Variants in PPP1R26 observed in about 807,000 individuals in gnomAD.
PPP1R26 encodes the protein protein phosphatase 1 regulatory subunit 26.
In PPP1R26, 22 loss-of-function variants were observed where a neutral mutation model predicts 67.6. That is an observed-to-expected ratio of 0.33 (90% confidence interval 0.23 to 0.46). PPP1R26 has a LOEUF of 0.46. Among genes scored for constraint, PPP1R26 ranks in the 20% least tolerant of loss-of-function variants. PPP1R26 has a pLI of 1.00. For synonymous variants in PPP1R26, 729 were observed against 717.2 expected (o/e 1.02, Z -0.26); for missense variants, 1,602 against 1,651.4 (o/e 0.97, Z 0.52).
rs1160209094 is a variant in PPP1R26 at position 135,487,983 on chromosome 9, G to A, written c.3473G>A (p.Arg1158Lys). The A allele has an allele frequency of 1.2e-6, 2 of 1,609,642 alleles. No individual in the cohort carries two copies. The highest frequency in any genetic ancestry group is 1.3e-5 in the African/African-American group (1 of 74,870). Residue 1158 changes from arginine (R) to lysine (K), a missense_variant, in exon 4 of 4, where the codon AGG (arginine) becomes AAG (lysine). This residue lies in a region of PPP1R26 where 740 missense variants were observed against 696.3 expected (regional missense o/e 1.06). Coordinates refer to ENST00000356818, the MANE Select transcript of PPP1R26 (RefSeq NM_014811.5). ...KAQAGLSLHD[R>K]RSSGSEESIL... ...CAGGCAGGGCTGAGTTTGCATGACAGGAGGAGCTCGGGCTCGGAGGAAAGC... is the reference window on the plus strand; with the variant it reads ...CAGGCAGGGCTGAGTTTGCATGACAAGAGGAGCTCGGGCTCGGAGGAAAGC...
rs910126651 is a variant in PPP1R26, at chr9:135,487,626, C to G, written c.3116C>G (p.Pro1039Arg). Residue 1039 changes from proline to arginine, a missense_variant, in exon 4 of 4, where the codon CCG becomes CGG. Physicochemically the swap from Pro to Arg is moderately radical, Grantham distance 103. Around this residue, in one of 5 missense-constraint regions of PPP1R26, gnomAD observed 740 missense variants for 696.3 expected, o/e 1.06. Coordinates refer to ENST00000356818, the MANE Select transcript of PPP1R26 (RefSeq NM_014811.5). ...DFAHQSRLPS[P>R]WVLRSEGRDA... ...GCCCACCAGAGTCGGCTGCCCAGCC[C>G]GTGGGTGCTGCGCTCCGAAGGCAGA... The G allele has an allele frequency of 6.7e-7, 1 of 1,482,496 alleles. No individual in the cohort carries two copies. The highest frequency in any genetic ancestry group is 1.4e-5 in the African/African-American group (1 of 71,140). 91.8% of individuals were successfully genotyped at this position (1,482,496 alleles called of 1,614,324 possible). A position where few individuals can be genotyped will look rare whatever the true frequency, so the allele number is the denominator to read the frequency against.
At chr9:135,481,293 GTGC>G (rs1417791126) in intron 1 of PPP1R26, among the ~76,000 whole-genome samples, 2 of 149,254 alleles carry the variant, frequency 1.3e-5, no homozygotes, top group African/African-American at 5.0e-5. Flanking sequence ...CCAGGCTGGA[GTGC>G]AATGGCTGAT....
rs576925835 is a variant in PPP1R26 at position 135,485,530 on chromosome 9, C to T, written c.1020C>T (p.Ser340=). 18 of 1,613,206 alleles carry T rather than the reference C, an allele frequency of 1.1e-5. No homozygotes were observed. The East Asian group carries it at 1.8e-4, about 16-fold the overall frequency. Residue 340 remains serine (S), a synonymous_variant, in exon 4 of 4, where the codon AGC becomes AGT. Transcript: ENST00000356818. The surrounding 1 kb of genome is among the most constrained non-coding windows in gnomAD (Gnocchi z 7.2). ...AGAATAAAGGTGGGATCAAAAGGAG[C>T]GCCAGCGCTGCAAGGAGGGGAAAGC... ...AAQNKGGIKR[S]ASAARRGKRV...
chr9:135,488,033 AG>A lies in PPP1R26; in HGVS notation c.3526del (p.Val1176SerfsTer31). 1 of 1,609,690 alleles carries A rather than the reference AG, an allele frequency of 6.2e-7. No individual in the cohort carries two copies. Among genetic ancestry groups the A allele is most frequent in the Non-Finnish European group, 8.5e-7 (1 of 1,178,326 alleles). ...CATTTTAGACCTGAGGTATCGACGA[AG>A]GGTCAACAGGGATGACCAGGAGCAG... ...ESILDLRYRR[R>X]VNRDDQEQDA... On this transcript the variant is annotated frameshift_variant, in exon 4 of 4. Transcript: ENST00000356818. LOFTEE classifies it high-confidence loss of function.
At position 135,487,009 on chromosome 9, in the gene PPP1R26, C is replaced by A. The variant is rs1196927925; in HGVS notation, c.2499C>A (p.Ser833Arg). The change falls in exon 4 of 4, where the codon AGC (serine) becomes AGA (arginine). Residue 833 changes from serine to arginine, a missense_variant. Coordinates refer to ENST00000356818, the MANE Select transcript of PPP1R26 (RefSeq NM_014811.5). Reference protein sequence around the residue: ...SLSDDSSSVDSNDSIELEIRK... With the variant: ...SLSDDSSSVDRNDSIELEIRK... The stretch of plus-strand genomic sequence containing the variant: ...CTGATGACAGCAGTTCAGTGGACAG[C>A]AACGACAGCATCGAACTGGAGATTA... The A allele has an allele frequency of 1.2e-6, 2 of 1,612,094 alleles. No individual in the cohort carries two copies. The highest frequency in any genetic ancestry group is 1.7e-6 in the Non-Finnish European group (2 of 1,179,766).
In PPP1R26 at chr9:135,487,161, C is replaced by T. The variant is rs1289042510; in HGVS notation, c.2651C>T (p.Pro884Leu). The T allele has an allele frequency of 1.9e-6, 3 of 1,610,204 alleles. No homozygotes were observed. Among genetic ancestry groups the T allele is most frequent in the Non-Finnish European group, 2.5e-6 (3 of 1,179,164 alleles). ...PEVLCRKEPA[P>L]PPGVCTRSQR... The stretch of plus-strand genomic sequence containing the variant: ...GTGCTGTGCAGGAAGGAGCCTGCCC[C>T]ACCGCCTGGCGTGTGCACACGCAGC... The change falls in exon 4 of 4, where the codon CCA (proline) becomes CTA (leucine). Residue 884 changes from proline (P) to leucine (L), a missense_variant. Around this residue, in one of 5 missense-constraint regions of PPP1R26, gnomAD observed 740 missense variants for 696.3 expected, o/e 1.06. Coordinates refer to ENST00000356818, the MANE Select transcript of PPP1R26 (RefSeq NM_014811.5).
In PPP1R26 at chr9:135,485,351, C is replaced by T; in HGVS notation, c.841C>T (p.Leu281=). 3 of 1,612,890 alleles carry T rather than the reference C, an allele frequency of 1.9e-6. No individual in the cohort carries two copies. Among genetic ancestry groups the T allele is most frequent in the Non-Finnish European group, 2.5e-6 (3 of 1,180,012 alleles). ...AAAGGTGGTGCATCGGCAGGGCCTG[C>T]TGGGCGTCCAGAAGGAGTTTGCCTT... ...PTKVVHRQGL[L]GVQKEFAFRK... is the part of the protein sequence containing the mutation. The change falls in exon 4 of 4, where the codon CTG becomes TTG. Residue 281 remains leucine, a synonymous_variant. Transcript: ENST00000356818. This position sits in a 1 kb window ranked among gnomAD's most constrained non-coding sequence, Gnocchi z 7.2.
At chr9:135,480,127 C>CGGCG (rs1267950548) in intron 1 of PPP1R26, 105 bp downstream of exon 1, 5 of 149,168 alleles carry the variant, frequency 3.4e-5, no homozygotes, top group African/African-American at 1.2e-4. Context: ...GTGCAGGCCG[C>CGGCG]GGCGGGCGGG....
At position 135,481,437 on chromosome 9, in the gene PPP1R26, C is replaced by T. The variant is rs575861684; in HGVS notation, c.-328-1246C>T. Among the ~76,000 whole-genome samples the T allele has an allele frequency of 2.8e-4, 42 of 151,854 alleles. 1 individual carries two copies. The highest frequency in any genetic ancestry group is 8.0e-4 in the African/African-American group (33 of 41,376). On this transcript the variant is annotated intron_variant, in intron 1 of 3. Coordinates refer to ENST00000356818, the MANE Select transcript of PPP1R26 (RefSeq NM_014811.5). ...TGTGTTTTTAGTAGAGATGGGGTTT[C>T]GCCATGTTGGCCAGGCTGGTCTCGA...
rs374946479 is a variant in PPP1R26, at chr9:135,484,854, A to C, written c.344A>C (p.Asp115Ala). 2 of 1,609,226 alleles carry C rather than the reference A, an allele frequency of 1.2e-6. No individual in the cohort carries two copies. Among genetic ancestry groups the C allele is most frequent in the Non-Finnish European group, 1.7e-6 (2 of 1,178,928 alleles). ...FDPMGEEETT[D>A]FGPLVLDSDS... ...CCCATGGGGGAGGAGGAAACTACAG[A>C]CTTTGGCCCGTTGGTGCTAGATTCA... The change falls in exon 4 of 4, where the codon GAC becomes GCC. Residue 115 changes from aspartate to alanine, a missense_variant. Physicochemically the swap from Asp to Ala is moderately radical, Grantham distance 126. Transcript: ENST00000356818.
At chr9:135,480,176 G>T (rs1409501664) in intron 1 of PPP1R26, 154 bp downstream of exon 1, 1 of 151,174 alleles carries the variant, frequency 6.6e-6, no homozygotes, top group African/African-American at 2.4e-5. Flanking sequence ...GGGGATCGGC[G>T]CCGGGGCTGC....
rs778488719 is a variant in PPP1R26 at position 135,484,744 on chromosome 9, C to T, written c.234C>T (p.Cys78=). ...AAQRGHRAEG[C]HDARPAAKPT... is the part of the protein sequence containing the mutation. ...AGAGGGGCCACAGGGCAGAGGGATG[C>T]CACGACGCCAGGCCGGCTGCCAAGC... Residue 78 remains cysteine (C), a synonymous_variant, in exon 4 of 4, where the codon TGC becomes TGT. Transcript: ENST00000356818. The T allele has an allele frequency of 6.2e-7, 1 of 1,609,800 alleles. No homozygotes were observed. Among genetic ancestry groups the T allele is most frequent in the Non-Finnish European group, 8.5e-7 (1 of 1,178,712 alleles).
At position 135,487,435 on chromosome 9, in the gene PPP1R26, T is replaced by G; in HGVS notation, c.2925T>G (p.Ser975Arg). 3 of 1,607,350 alleles carry G rather than the reference T, an allele frequency of 1.9e-6. No individual in the cohort carries two copies. The highest frequency in any genetic ancestry group is 2.5e-6 in the Non-Finnish European group (3 of 1,178,390). The change falls in exon 4 of 4, where the codon AGT becomes AGG. Residue 975 changes from serine (S) to arginine (R), a missense_variant. By Grantham distance (110) the Ser-to-Arg change is moderately radical. Around this residue, in one of 5 missense-constraint regions of PPP1R26, gnomAD observed 740 missense variants for 696.3 expected, o/e 1.06. Transcript: ENST00000356818. Reference protein sequence around the residue: ...SPRGAEPAAKSAFGQLPSCAT... With the variant: ...SPRGAEPAAKRAFGQLPSCAT... ...GAGGGGCTGAGCCTGCTGCCAAAAG[T>G]GCTTTTGGTCAGCTGCCCAGCTGTG...
At position 135,488,242 on chromosome 9, in the gene PPP1R26, A is replaced by T; in HGVS notation, c.*102A>T. 2 of 1,424,336 alleles carry T rather than the reference A, an allele frequency of 1.4e-6. No individual in the cohort carries two copies. Among genetic ancestry groups the T allele is most frequent in the Non-Finnish European group, 9.2e-7 (1 of 1,087,970 alleles). 88.2% of individuals were successfully genotyped at this position (1,424,336 alleles called of 1,614,324 possible). Reference sequence around the variant, plus strand: ...TTCCGTGGCTGCAAGGAAGGGAAACAGTCTATTATACATAGCCCTGTATAT... The same window carrying T: ...TTCCGTGGCTGCAAGGAAGGGAAACTGTCTATTATACATAGCCCTGTATAT... On this transcript the variant is annotated 3_prime_UTR_variant, in exon 4 of 4. Transcript: ENST00000356818.
Position 135,484,530 on chromosome 9 carries a change from C to T in PPP1R26, c.20C>T (p.Ser7Phe). 6.2e-7 allele frequency: 1 copy of T among 1,604,656 alleles called. No individual in the cohort carries two copies. The highest frequency in any genetic ancestry group is 8.5e-7 in the Non-Finnish European group (1 of 1,177,954). ...GCTAGAATGTTTCTCATGAACGCTT[C>T]TCCAGTGGTTGCTCTCCAGTCCAAA... is the stretch of plus-strand genomic sequence containing the variant. MFLMNA[S>F]PVVALQSKWE... Residue 7 changes from serine to phenylalanine, a missense_variant, in exon 4 of 4, where the codon TCT (serine) becomes TTT (phenylalanine). By Grantham distance (155) the Ser-to-Phe change is radical. This residue lies in a region of PPP1R26 where 168 missense variants were observed against 176.1 expected (regional missense o/e 0.95). Transcript: ENST00000356818.
At position 135,488,761 on chromosome 9, in the gene PPP1R26, T is replaced by A. The variant is rs1187545891; in HGVS notation, c.*621T>A. The A allele has an allele frequency of 6.0e-6, 1 of 167,078 alleles. No individual in the cohort carries two copies. Among genetic ancestry groups the A allele is most frequent in the Non-Finnish European group, 1.5e-5 (1 of 68,122 alleles). 10.3% of individuals were successfully genotyped at this position (167,078 alleles called of 1,614,324 possible). On this transcript the variant is annotated 3_prime_UTR_variant, in exon 4 of 4. Coordinates refer to ENST00000356818, the MANE Select transcript of PPP1R26 (RefSeq NM_014811.5). ...CGAGCGAGCACGTGGCTACTCCCTG[T>A]TGCATGTCAAATCCACACAGATGTC...
At chr9:135,483,687 G>A (rs934941565) in intron 2 of PPP1R26, 4 of 276,580 alleles carry the variant, frequency 1.4e-5, no homozygotes, top group African/African-American at 8.8e-5. Flanking sequence ...GGTCTTCAAA[G>A]TGTCCCAAGC....
Position 135,484,487 on chromosome 9 carries a change from G to C in PPP1R26, c.-24G>C, listed in dbSNP as rs1191867810. 1 of 1,531,674 alleles carries C rather than the reference G, an allele frequency of 6.5e-7. No individual in the cohort carries two copies. Among genetic ancestry groups the C allele is most frequent in the African/African-American group, 1.4e-5 (1 of 71,772 alleles). The allele number at this position is 1,531,674 out of a possible 1,614,324, so 94.9% of individuals were successfully genotyped here. ...TAGAGAAATAAAGCATCGCCCCTCTGCGCGCCCCTCCCCGTCTGCTAGAAT... is the reference window on the plus strand; with the variant it reads ...TAGAGAAATAAAGCATCGCCCCTCTCCGCGCCCCTCCCCGTCTGCTAGAAT... On this transcript the variant is annotated 5_prime_UTR_variant, in exon 4 of 4. Transcript: ENST00000356818.
At position 135,485,385 on chromosome 9, in the gene PPP1R26, C is replaced by G. The variant is rs772467513; in HGVS notation, c.875C>G (p.Pro292Arg). ...CAGAAGGAGTTTGCCTTCCGCAAAC[C>G]TCCCCGGTTAGCGAAGATGAACGTC... Reference protein sequence around the residue: ...GVQKEFAFRKPPRLAKMNVQP... With the variant: ...GVQKEFAFRKRPRLAKMNVQP... Residue 292 changes from proline to arginine, a missense_variant, in exon 4 of 4, where the codon CCT (proline) becomes CGT (arginine). By Grantham distance (103) the Pro-to-Arg change is moderately radical (BLOSUM62 -2). This residue lies in a region of PPP1R26 where 680 missense variants were observed against 726.1 expected (regional missense o/e 0.94). Transcript: ENST00000356818. The surrounding 1 kb of genome is among the most constrained non-coding windows in gnomAD (Gnocchi z 7.2). The G allele has an allele frequency of 2.5e-6, 4 of 1,612,906 alleles. No individual in the cohort carries two copies. In the South Asian group the frequency reaches 4.4e-5, roughly 18 times the overall value.
Sources: gnomAD v4.1 joint callset for allele counts (sites outside exome capture counted in the v4.1 genomes callset) on GRCh38, gnomAD v4.1.1 for gene constraint, gnomAD v4.1.1 regional missense constraint, Gnocchi (gnomAD v3.1) non-coding constraint, MANE v1.5 for transcripts, NCBI Gene and HGNC (gene_info 2026-07-23, HGNC 2026-07-21) for gene names.